CTNNA3: variants seen among roughly 807,000 people sequenced by gnomAD.
CTNNA3 encodes catenin alpha 3.
CTNNA3 carries 76 observed loss-of-function variants against 95.7 expected under a neutral mutation model. The ratio of observed to expected loss-of-function variants is 0.79; its 90% CI spans 0.66 to 0.96. CTNNA3 has a LOEUF of 0.96. Among genes scored for constraint, CTNNA3 ranks in the 40% least tolerant of loss-of-function variants. The pLI, the probability that CTNNA3 is intolerant of heterozygous loss-of-function variation, is 0.00. For missense variants in CTNNA3, 1,191 were observed against 1,089.8 expected (o/e 1.09, Z -1.31); for synonymous variants, 431 against 374.4 (o/e 1.15, Z -1.74).
intron 5 of CTNNA3, among the ~76,000 whole-genome samples, chr10:67,242,319 T>C (rs1415677165): frequency 6.6e-6 from 1 of 152,212 alleles, no homozygotes; most frequent in Non-Finnish European, 1.5e-5. Flanking sequence ...AATATTTCAA[T>C]CTAACTTTGA....
chr10:66,390,493 T>G (rs2939942), intron 11 of CTNNA3, among the ~76,000 whole-genome samples: 55,068 of 151,974 alleles, frequency 0.36, 12,017 homozygotes, highest in African/African-American at 0.6. Context: ...TCAAGATTAA[T>G]TCTAGCTACC....
intron 9 of CTNNA3, among the ~76,000 whole-genome samples, chr10:66,723,770 T>C (rs116698905): frequency 6.8e-4 from 103 of 152,202 alleles, no homozygotes; most frequent in African/African-American, 2.4e-3. Context: ...CAGGCAAAAG[T>C]GCTGTAATGA....
At chr10:66,822,036 T>C (rs1842320013) in intron 7 of CTNNA3, among the ~76,000 whole-genome samples, 1 of 150,696 alleles carries the variant, frequency 6.6e-6, no homozygotes, top group South Asian at 2.1e-4. Context: ...TATTAATATA[T>C]TATTGTTTAC....
intron 3 of CTNNA3, among the ~76,000 whole-genome samples, chr10:67,551,736 A>G (rs1841040817): frequency 6.6e-6 from 1 of 152,158 alleles, no homozygotes; most frequent in Non-Finnish European, 1.5e-5. Context: ...CTCCCATCAC[A>G]CACCCCCTGA....
At chr10:67,757,944 T>A (rs1425849861) in intron 1 of CTNNA3, among the ~76,000 whole-genome samples, 2 of 152,164 alleles carry the variant, frequency 1.3e-5, no homozygotes, top group African/African-American at 2.4e-5. Context: ...TGGGTGTGTT[T>A]GTGAGGGTAT....
chr10:66,172,417 G>A (rs1175265873), intron 13 of CTNNA3, among the ~76,000 whole-genome samples: 2 of 151,858 alleles, frequency 1.3e-5, no homozygotes, highest in Non-Finnish European at 2.9e-5. Context: ...CTGAATAATT[G>A]AATATGTTTT....
intron 15 of CTNNA3, among the ~76,000 whole-genome samples, chr10:66,005,995 T>C (rs1034425137): frequency 6.7e-6 from 1 of 148,432 alleles, no homozygotes; most frequent in African/African-American, 2.5e-5. Context: ...GTAGTAAGAA[T>C]GCACAAGGAA....
chr10:67,273,573 CTTAT>C (rs1449822391), intron 5 of CTNNA3, among the ~76,000 whole-genome samples: 3 of 152,058 alleles, frequency 2.0e-5, no homozygotes, highest in African/African-American at 7.2e-5. Flanking sequence ...TAATTTCATT[CTTAT>C]TTATTTAAGA....
chr10:67,324,598 T>C (rs1841464799), intron 5 of CTNNA3, among the ~76,000 whole-genome samples: 1 of 152,194 alleles, frequency 6.6e-6, no homozygotes, highest in Non-Finnish European at 1.5e-5. Flanking sequence ...TAATCGATTA[T>C]GGTGGATAAT....
At chr10:66,990,125 G>A (rs992673434) in intron 7 of CTNNA3, among the ~76,000 whole-genome samples, 3 of 152,178 alleles carry the variant, frequency 2.0e-5, no homozygotes, top group Admixed American at 1.3e-4. Flanking sequence ...AAGCTTGTCA[G>A]TAGACATCAT....
rs140698159 is a variant in CTNNA3 at position 66,256,598 on chromosome 10, G to A, written c.1884+23872C>T. 3.2e-3 allele frequency among the ~76,000 whole-genome samples: 486 copies of A among 152,066 alleles called. 3 individuals are homozygous for A. The highest frequency in any genetic ancestry group is 0.011 in the African/African-American group (470 of 41,482). ...TAGCCGGTCATGGTGGCACATGCCT[G>A]TAATCCCAGCTACTCAGGAGGCTGA... On this transcript the variant is annotated intron_variant, in intron 13 of 17. Transcript: ENST00000433211.
intron 3 of CTNNA3, among the ~76,000 whole-genome samples, chr10:67,569,444 C>T (rs1388976880): frequency 1.3e-5 from 2 of 152,082 alleles, no homozygotes; most frequent in African/African-American, 4.8e-5. Context: ...AAGGTGGGAG[C>T]AAAGATTTAA....
At chr10:67,013,403 TCAAA>T (rs34796208) in intron 7 of CTNNA3, among the ~76,000 whole-genome samples, 3,712 of 152,278 alleles carry the variant, frequency 0.024, 154 homozygotes, top group African/African-American at 0.08. Context: ...AATAATAACT[TCAAA>T]CAATCATTGT....
intron 7 of CTNNA3, among the ~76,000 whole-genome samples, chr10:66,906,914 C>T (rs959341591): frequency 4.6e-5 from 7 of 152,072 alleles, no homozygotes; most frequent in African/African-American, 1.4e-4. Flanking sequence ...TGAGCCTGAG[C>T]GACACATACA....
chr10:67,592,014 CACGACTGGAGTGAGA>C (rs1842804184), intron 3 of CTNNA3, among the ~76,000 whole-genome samples: 1 of 152,186 alleles, frequency 6.6e-6, no homozygotes, highest in African/African-American at 2.4e-5. Flanking sequence ...CATTAGAGTC[CACGACTGGAGTGAGA>C]ACTTTCATCC....
intron 9 of CTNNA3, among the ~76,000 whole-genome samples, chr10:66,743,053 A>T (rs1271709959): frequency 6.6e-6 from 1 of 152,182 alleles, no homozygotes; most frequent in African/African-American, 2.4e-5. Flanking sequence ...TAAATTATGT[A>T]TTGGACATAA....
intron 5 of CTNNA3, among the ~76,000 whole-genome samples, chr10:67,381,400 T>A (rs900246102): frequency 1.3e-5 from 2 of 152,172 alleles, no homozygotes; most frequent in Non-Finnish European, 2.9e-5. Context: ...AAAGACTCTA[T>A]TTTGTGTTTC....
intron 7 of CTNNA3, among the ~76,000 whole-genome samples, chr10:66,895,469 A>T (rs1016843088): frequency 6.6e-6 from 1 of 152,172 alleles, no homozygotes; most frequent in Non-Finnish European, 1.5e-5. Context: ...AATATTAAAA[A>T]TTTCTTAATA....
At chr10:66,835,760 C>T (rs2132333007) in intron 7 of CTNNA3, among the ~76,000 whole-genome samples, 1 of 152,218 alleles carries the variant, frequency 6.6e-6, no homozygotes, top group South Asian at 2.1e-4. Context: ...ATAGTTTCTC[C>T]TCCCTCAATC....
Sources: gnomAD v4.1 joint callset for allele counts (sites outside exome capture counted in the v4.1 genomes callset) on GRCh38, gnomAD v4.1.1 for gene constraint, MANE v1.5 for transcripts, NCBI Gene and HGNC (gene_info 2026-07-23, HGNC 2026-07-21) for gene names.